The following ARHGEF33 variants were observed in gnomAD, a reference collection of about 807,000 sequenced individuals.
The protein encoded by ARHGEF33 is DH and coiled-coil domain-containing protein ENSP00000381780.
ARHGEF33 carries 72 observed loss-of-function variants against 101.9 expected under a neutral mutation model. The ratio of observed to expected loss-of-function variants is 0.71; its 90% CI spans 0.58 to 0.86. The LOEUF is 0.86. Among genes scored for constraint, ARHGEF33 ranks in the 40% least tolerant of loss-of-function variants. The pLI is 0.00. For missense variants in ARHGEF33, 1,169 were observed against 1,111.3 expected, an observed-to-expected ratio of 1.05 and a Z score of -0.74; for synonymous variants, 499 against 442.5, an observed-to-expected ratio of 1.13 and a Z score of -1.60.
chr2:38,911,791 G>A (rs1269423324), intron 2 of ARHGEF33, among the ~76,000 whole-genome samples: 1 of 152,144 alleles, frequency 6.6e-6, no homozygotes, highest in Non-Finnish European at 1.5e-5. Context: ...CAGGAGGATT[G>A]CTTGAGCCCA....
chr2:38,944,175 T>C, intron 10 of ARHGEF33, 145 bp downstream of exon 10: 1 of 809,644 alleles, frequency 1.2e-6, no homozygotes, highest in Non-Finnish European at 1.9e-6. Flanking sequence ...ATGGCAGATG[T>C]CTCAGTTCAC....
At chr2:38,903,347 G>T (rs1423687091) in intron 2 of ARHGEF33, among the ~76,000 whole-genome samples, 1 of 151,970 alleles carries the variant, frequency 6.6e-6, no homozygotes, top group Non-Finnish European at 1.5e-5. Flanking sequence ...AAGGGCCTAA[G>T]CTAAAAAATG....
intron 12 of ARHGEF33, 91 bp downstream of exon 12, chr2:38,953,336 G>GTAT: frequency 1.3e-6 from 1 of 770,056 alleles, no homozygotes; most frequent in Non-Finnish European, 2.3e-6. Context: ...CGCATGCACT[G>GTAT]TGCTTTCTAG....
intron 16 of ARHGEF33, among the ~76,000 whole-genome samples, chr2:38,963,079 C>T (rs1024434527): frequency 6.7e-6 from 1 of 150,028 alleles, no homozygotes; most frequent in African/African-American, 2.5e-5. Context: ...AGGTAGCATG[C>T]AGAGTGCAGG....
chr2:38,971,348 T>C (rs1020334420), intron 17 of ARHGEF33, among the ~76,000 whole-genome samples: 10 of 152,230 alleles, frequency 6.6e-5, no homozygotes, highest in Middle Eastern at 3.2e-3. Context: ...TGTCAGTATG[T>C]CCTGGCAGCC....
chr2:38,949,898 C>T lies in ARHGEF33; in HGVS notation c.921-1091C>T, dbSNP rs1572769674. ...AGACAGAGAGACGGGAGGCGCTACGCACTTTTAAACAGCCAGAATTCATGA... is the reference window on the plus strand; with the variant it reads ...AGACAGAGAGACGGGAGGCGCTACGTACTTTTAAACAGCCAGAATTCATGA... On this transcript the variant is annotated intron_variant, in intron 10 of 17. Coordinates refer to ENST00000409978, the MANE Select transcript of ARHGEF33 (RefSeq NM_001145451.5). 4.6e-5 allele frequency among the ~76,000 whole-genome samples: 7 copies of T among 152,278 alleles called. 2 individuals carry two copies. The South Asian group carries it at 1.5e-3, about 32-fold the overall frequency.
chr2:38,918,877 C>CAAA (rs1181241601), intron 2 of ARHGEF33, among the ~76,000 whole-genome samples: 18 of 51,234 alleles, frequency 3.5e-4, no homozygotes, highest in Admixed American at 1.2e-3. Context: ...CCCATCTCTA[C>CAAA]AAAAAAAAAA....
intron 3 of ARHGEF33, 91 bp downstream of exon 3, chr2:38,919,563 T>G (rs1280360577): frequency 4.7e-6 from 6 of 1,272,912 alleles, no homozygotes; most frequent in Middle Eastern, 2.0e-4. Flanking sequence ...GACATGACAG[T>G]ATGTTAACTA....
intron 7 of ARHGEF33, among the ~76,000 whole-genome samples, chr2:38,933,944 A>T (rs146580655): frequency 6.6e-6 from 1 of 152,294 alleles, no homozygotes; most frequent in East Asian, 1.9e-4. Context: ...TCAGTTTGAA[A>T]ATGTCATTTT....
chr2:38,957,678 C>G lies in ARHGEF33; in HGVS notation c.1371-356C>G, dbSNP rs1012051087. Among the ~76,000 whole-genome samples, 25 of 152,150 alleles carry G rather than the reference C, an allele frequency of 1.6e-4. 1 individual carries two copies. Among genetic ancestry groups the G allele is most frequent in the Non-Finnish European group, 1.5e-5 (1 of 68,030 alleles). The stretch of plus-strand genomic sequence containing the variant: ...AACCCACAGCACAGCTTCCTAATGA[C>G]CTGGATTTCCTTCAATTTCATCCCA... On this transcript the variant is annotated intron_variant, in intron 14 of 17. Coordinates refer to ENST00000409978, the MANE Select transcript of ARHGEF33 (RefSeq NM_001145451.5).
chr2:38,939,309 G>T (rs935965499), intron 9 of ARHGEF33, among the ~76,000 whole-genome samples: 5 of 152,056 alleles, frequency 3.3e-5, no homozygotes, highest in Non-Finnish European at 5.9e-5. Flanking sequence ...TTTTTTTAGT[G>T]GGGGGATGTA....
Position 38,950,904 on chromosome 2 carries a change from G to C in ARHGEF33, c.921-85G>C, listed in dbSNP as rs571943056. ...CTCACAGTATGTTGGATGGCTGGGA[G>C]AATGGGCCCTGCTGCATGTATTTTT... On this transcript the variant is annotated intron_variant, in intron 10 of 17. Transcript: ENST00000409978. 1.4e-5 allele frequency: 18 copies of C among 1,318,886 alleles called. No individual in the cohort carries two copies. The Admixed American group carries it at 2.6e-4, about 19-fold the overall frequency. The allele number at this position is 1,318,886 out of a possible 1,614,324, so 81.7% of individuals were successfully genotyped here.
chr2:38,891,533 A>T (rs1665998526), intron 1 of ARHGEF33, among the ~76,000 whole-genome samples: 1 of 152,152 alleles, frequency 6.6e-6, no homozygotes, highest in Non-Finnish European at 1.5e-5. Flanking sequence ...AATTTTGCAT[A>T]CAATTTCAGA....
At chr2:38,933,616 G>C (rs1667061794) in intron 7 of ARHGEF33, among the ~76,000 whole-genome samples, 1 of 152,190 alleles carries the variant, frequency 6.6e-6, no homozygotes, top group African/African-American at 2.4e-5. Flanking sequence ...GACCTCAAGT[G>C]ATCTGTCCAC....
At chr2:38,970,270 C>T (rs1291342217) in intron 17 of ARHGEF33, among the ~76,000 whole-genome samples, 7 of 152,176 alleles carry the variant, frequency 4.6e-5, no homozygotes, top group South Asian at 2.1e-4. Flanking sequence ...TACAGGGCCC[C>T]GTATGTAATC....
chr2:38,891,988 T>C (rs190429655), intron 1 of ARHGEF33, among the ~76,000 whole-genome samples: 43 of 152,352 alleles, frequency 2.8e-4, no homozygotes, highest in Non-Finnish European at 5.0e-4. Context: ...TTCATGATTA[T>C]TTTGTTGTCT....
At position 38,973,835 on chromosome 2, in the gene ARHGEF33, G is replaced by A. The variant is rs201282883; in HGVS notation, c.2605G>A (p.Ala869Thr). The A allele has an allele frequency of 3.9e-5, 61 of 1,546,720 alleles. No homozygotes were observed. Among genetic ancestry groups the A allele is most frequent in the Non-Finnish European group, 5.3e-5 (61 of 1,145,142 alleles). Residue 869 changes from alanine to threonine, a missense_variant, in exon 18 of 18, where the codon GCT becomes ACT. By Grantham distance (58) the Ala-to-Thr change is moderately conservative. Transcript: ENST00000409978. The part of the protein sequence containing the change: ...ALANDLDQGT[A>T]V Reference sequence around the variant, plus strand: ...TGCAAATGACCTTGACCAAGGAACAGCTGTGTAAAACATACTTAAAGTTGT... The same window carrying A: ...TGCAAATGACCTTGACCAAGGAACAACTGTGTAAAACATACTTAAAGTTGT...
intron 2 of ARHGEF33, among the ~76,000 whole-genome samples, chr2:38,906,824 A>G (rs1167336304): frequency 2.0e-5 from 3 of 150,956 alleles, no homozygotes; most frequent in Non-Finnish European, 3.0e-5. Flanking sequence ...AAAAAAAAAA[A>G]AGGTCTGGGT....
At chr2:38,960,748 G>A in intron 16 of ARHGEF33, 100 bp downstream of exon 16, 23 of 998,552 alleles carry the variant, frequency 2.3e-5, no homozygotes, top group South Asian at 2.8e-5. Flanking sequence ...GAGCGGGGCC[G>A]GGCCAGGCTA....
Sources: allele counts gnomAD v4.1 joint callset (sites outside exome capture counted in the v4.1 genomes callset), GRCh38; gene constraint gnomAD v4.1.1; transcripts MANE v1.5; gene names NCBI Gene and HGNC (gene_info 2026-07-23, HGNC 2026-07-21).